Variants in DLG2 observed in about 807,000 individuals in gnomAD.
The protein encoded by DLG2 is disks large homolog 2.
DLG2 carries 45 observed loss-of-function variants against 132.5 expected under a neutral mutation model. That is an observed-to-expected ratio of 0.34 (90% CI 0.27 to 0.44). DLG2 has a LOEUF of 0.44. Among genes scored for constraint, DLG2 ranks in the 20% least tolerant of loss-of-function variants. The pLI is 1.00. For missense variants in DLG2, 1,045 were observed against 1,196.9 expected (o/e 0.87, Z 1.87); for synonymous variants, 424 against 419.6 (o/e 1.01, Z -0.13).
At chr11:84,562,600 A>G (rs1428414694) in intron 6 of DLG2, among the ~76,000 whole-genome samples, 1 of 152,176 alleles carries the variant, frequency 6.6e-6, no homozygotes, top group African/African-American at 2.4e-5. Context: ...AATTTTTAAC[A>G]GCAGTTTCGT....
intron 18 of DLG2, among the ~76,000 whole-genome samples, chr11:83,667,712 G>A (rs2075890506): frequency 6.6e-6 from 1 of 152,136 alleles, no homozygotes; most frequent in South Asian, 2.1e-4. Context: ...GGGCGCAGTG[G>A]CTCATGCCTG....
chr11:85,143,051 G>T (rs1441124980), intron 5 of DLG2, among the ~76,000 whole-genome samples: 1 of 151,654 alleles, frequency 6.6e-6, no homozygotes, highest in Non-Finnish European at 1.5e-5. Flanking sequence ...TGGCATCGTG[G>T]TAATACTAGC....
At chr11:84,247,043 A>C (rs1011065227) in intron 8 of DLG2, among the ~76,000 whole-genome samples, 1 of 152,202 alleles carries the variant, frequency 6.6e-6, no homozygotes, top group African/African-American at 2.4e-5. Flanking sequence ...TGGAAAACTC[A>C]TGATTCTCAA....
At chr11:84,181,295 T>C (rs554387643) in intron 8 of DLG2, among the ~76,000 whole-genome samples, 1 of 152,010 alleles carries the variant, frequency 6.6e-6, no homozygotes, top group East Asian at 1.9e-4. Context: ...CTTGGATTGG[T>C]TGTAAATGTG....
At chr11:84,895,906 T>C (rs1034248828) in intron 6 of DLG2, among the ~76,000 whole-genome samples, 1 of 152,096 alleles carries the variant, frequency 6.6e-6, no homozygotes, top group African/African-American at 2.4e-5. Flanking sequence ...ATGTAGGTGT[T>C]CACCAGGGCA....
chr11:84,932,029 A>T (rs1358545568), intron 6 of DLG2, among the ~76,000 whole-genome samples: 1 of 151,994 alleles, frequency 6.6e-6, no homozygotes, highest in East Asian at 1.9e-4. Context: ...ACCTTTGTTG[A>T]ATGAATACTT....
chr11:85,063,825 AC>A (rs2064469680), intron 6 of DLG2, among the ~76,000 whole-genome samples: 1 of 151,830 alleles, frequency 6.6e-6, no homozygotes, highest in Admixed American at 6.6e-5. Flanking sequence ...ATCAAATGGT[AC>A]CAGAAACTTC....
chr11:83,753,744 ATATT>A (rs1188636235), intron 18 of DLG2, among the ~76,000 whole-genome samples: 15 of 140,314 alleles, frequency 1.1e-4, no homozygotes, highest in African/African-American at 3.8e-4. Context: ...TGATATATAT[ATATT>A]TCATATATGT....
chr11:85,478,472 T>C (rs935580255), intron 3 of DLG2, among the ~76,000 whole-genome samples: 1 of 152,236 alleles, frequency 6.6e-6, no homozygotes, highest in South Asian at 2.1e-4. Context: ...CTGAACCTAC[T>C]ATGTTATCAT....
At chr11:84,848,904 G>T (rs2081845247) in intron 6 of DLG2, among the ~76,000 whole-genome samples, 3 of 152,170 alleles carry the variant, frequency 2.0e-5, no homozygotes, top group African/African-American at 7.2e-5. Context: ...ACTGACTCAG[G>T]ACTGGTCTGG....
At chr11:83,674,364 G>A (rs2077336953) in intron 18 of DLG2, among the ~76,000 whole-genome samples, 1 of 152,140 alleles carries the variant, frequency 6.6e-6, no homozygotes, top group Non-Finnish European at 1.5e-5. Flanking sequence ...CTATTTGTCA[G>A]GAACTCAACA....
chr11:85,038,835 G>A (rs2061618745), intron 6 of DLG2, among the ~76,000 whole-genome samples: 1 of 151,940 alleles, frequency 6.6e-6, no homozygotes, highest in Non-Finnish European at 1.5e-5. Flanking sequence ...ATGGTTAGAA[G>A]ACAAAATTAT....
intron 6 of DLG2, among the ~76,000 whole-genome samples, chr11:84,599,842 G>C (rs1038134552): frequency 6.6e-6 from 1 of 152,006 alleles, no homozygotes; most frequent in African/African-American, 2.4e-5. Flanking sequence ...GATCAGCCAG[G>C]GTAACATGGC....
intron 6 of DLG2, among the ~76,000 whole-genome samples, chr11:84,540,412 C>T (rs1166050882): frequency 6.6e-6 from 1 of 150,594 alleles, no homozygotes; most frequent in African/African-American, 2.4e-5. Context: ...CAAAAGAAGA[C>T]ATTTATGCAG....
chr11:84,576,173 TAATAC>T (rs1259548129), intron 6 of DLG2, among the ~76,000 whole-genome samples: 1 of 152,244 alleles, frequency 6.6e-6, no homozygotes, highest in African/African-American at 2.4e-5. Flanking sequence ...TTCTGCCATA[TAATAC>T]AATTCACTTT....
At chr11:83,951,113 G>A (rs1223290833) in intron 14 of DLG2, among the ~76,000 whole-genome samples, 1 of 152,060 alleles carries the variant, frequency 6.6e-6, no homozygotes, top group East Asian at 1.9e-4. Flanking sequence ...AGAGACATAA[G>A]CATTTAAATT....
chr11:83,964,853 C>G (rs1349733686), intron 13 of DLG2, among the ~76,000 whole-genome samples: 3 of 151,850 alleles, frequency 2.0e-5, no homozygotes, highest in Non-Finnish European at 2.9e-5. Flanking sequence ...AAAGTAAAAG[C>G]TATGTGATGG....
At position 84,651,290 on chromosome 11, in the gene DLG2, G is replaced by A. The variant is rs1323651625; in HGVS notation, c.358-116559C>T. Among the ~76,000 whole-genome samples, 6 of 151,828 alleles carry A rather than the reference G, an allele frequency of 4.0e-5. No individual in the cohort carries two copies. The South Asian group carries it at 8.3e-4, about 21-fold the overall frequency. On this transcript the variant is annotated intron_variant, in intron 6 of 27. Transcript: ENST00000376104. Reference sequence around the variant, plus strand: ...CCCAAGTGATTTCATCATACTTATTGTTCCAACTATAAGAGTTAAACTGCA... The same window carrying A: ...CCCAAGTGATTTCATCATACTTATTATTCCAACTATAAGAGTTAAACTGCA...
intron 7 of DLG2, among the ~76,000 whole-genome samples, chr11:84,337,333 A>G (rs984699453): frequency 6.6e-6 from 1 of 152,180 alleles, no homozygotes; most frequent in Non-Finnish European, 1.5e-5. Flanking sequence ...TGTACACTCA[A>G]TAAGAGTTGG....
Sources: gnomAD v4.1 joint callset for allele counts (sites outside exome capture counted in the v4.1 genomes callset) on GRCh38, gnomAD v4.1.1 for gene constraint, MANE v1.5 for transcripts, NCBI Gene and HGNC (gene_info 2026-07-23, HGNC 2026-07-21) for gene names.